The following TVP23B variants were observed in gnomAD, a reference collection of about 807,000 sequenced individuals.
TVP23B encodes the protein Golgi apparatus membrane protein TVP23 homolog B.
TVP23B carries 10 observed loss-of-function variants against 30.6 expected under a neutral mutation model. That is an observed-to-expected ratio of 0.33 (90% CI 0.20 to 0.55). The LOEUF (loss-of-function observed/expected upper bound fraction) is 0.55, where lower values mean the gene tolerates loss of function less well. TVP23B is among the 20% of genes least tolerant of loss of function. The pLI, the probability that TVP23B is intolerant of heterozygous loss-of-function variation, is 0.91. For synonymous variants in TVP23B, 67 were observed against 83.1 expected (o/e 0.81, Z 1.06); for missense variants, 153 against 243.2 (o/e 0.63, Z 2.47).
chr17:18,799,074 C>T, intron 5 of TVP23B, 131 bp downstream of exon 5: 1 of 1,128,182 alleles, frequency 8.9e-7, no homozygotes, highest in East Asian at 2.6e-5. Flanking sequence ...ATGTAATTCC[C>T]AAGTTTTGCT....
chr17:18,797,108 T>G (rs2036088208), intron 3 of TVP23B: 1 of 173,608 alleles, frequency 5.8e-6, no homozygotes, highest in South Asian at 1.2e-4. Context: ...AAATAAAGAT[T>G]AGGAAAGCTA....
Position 18,789,050 on chromosome 17 carries a change from A to G in TVP23B, c.13-303A>G. Reference sequence around the variant, plus strand: ...CTTGCTCTGTGACTTGGGAGAGAACAGGTGAGGAGGACAGGTGTTAAGTTG... The same window carrying G: ...CTTGCTCTGTGACTTGGGAGAGAACGGGTGAGGAGGACAGGTGTTAAGTTG... On this transcript the variant is annotated intron_variant, in intron 1 of 6. Transcript: ENST00000307767. 3 of 313,530 alleles carry G rather than the reference A, an allele frequency of 9.6e-6. No homozygotes were observed. The South Asian group carries it at 1.2e-4, about 13-fold the overall frequency. 19.4% of individuals were successfully genotyped at this position (313,530 alleles called of 1,614,324 possible). A position where few individuals can be genotyped will look rare whatever the true frequency, so the allele number is the denominator to read the frequency against.
At chr17:18,802,511 A>G (rs1047874468) in intron 5 of TVP23B, among the ~76,000 whole-genome samples, 3 of 137,192 alleles carry the variant, frequency 2.2e-5, no homozygotes, top group African/African-American at 5.1e-5. Context: ...TTGCTTTTCT[A>G]TAAGTTCCTG....
intron 5 of TVP23B, among the ~76,000 whole-genome samples, chr17:18,799,425 G>C (rs1251596016): frequency 6.6e-6 from 1 of 152,014 alleles, no homozygotes; most frequent in African/African-American, 2.4e-5. Flanking sequence ...CTTCGTTTGG[G>C]CTTCTTCATG....
intron 1 of TVP23B, among the ~76,000 whole-genome samples, chr17:18,784,926 C>T (rs1446645429): frequency 1.3e-5 from 2 of 152,190 alleles, no homozygotes; most frequent in South Asian, 4.1e-4. Context: ...TTGGAATCTT[C>T]CTTGATTCCT....
chr17:18,789,100 G>C (rs918377987), intron 1 of TVP23B: 5 of 504,746 alleles, frequency 9.9e-6, no homozygotes, highest in Non-Finnish European at 1.8e-5. Flanking sequence ...GCACCCTAGA[G>C]TTTTCTCAGA....
intron 5 of TVP23B, among the ~76,000 whole-genome samples, chr17:18,803,352 T>G (rs2036197142): frequency 6.6e-6 from 1 of 152,246 alleles, no homozygotes; most frequent in Non-Finnish European, 1.5e-5. Flanking sequence ...AGAGACCGTA[T>G]GGTCTGAAAT....
intron 3 of TVP23B, among the ~76,000 whole-genome samples, chr17:18,791,968 G>A (rs535722119): frequency 6.6e-6 from 1 of 152,278 alleles, no homozygotes; most frequent in Admixed American, 6.5e-5. Flanking sequence ...GACACATACT[G>A]ATTCAAAGAC....
intron 3 of TVP23B, 146 bp downstream of exon 3, chr17:18,791,186 A>ATTTTTTT (rs2035987112): frequency 2.6e-5 from 3 of 114,552 alleles, no homozygotes; most frequent in South Asian, 3.3e-4. Flanking sequence ...AATTGCATGT[A>ATTTTTTT]GTTTTTTTTT....
intron 1 of TVP23B, among the ~76,000 whole-genome samples, chr17:18,787,482 A>G (rs528140876): frequency 6.6e-6 from 1 of 151,940 alleles, no homozygotes; most frequent in African/African-American, 2.4e-5. Context: ...TAGATGTGCA[A>G]TAAGAATACT....
At chr17:18,800,654 A>G (rs1002554437) in intron 5 of TVP23B, among the ~76,000 whole-genome samples, 1 of 151,922 alleles carries the variant, frequency 6.6e-6, no homozygotes, top group Non-Finnish European at 1.5e-5. Context: ...TAGTTCATGT[A>G]ACCCAGATGT....
chr17:18,796,608 A>G (rs1236991723), intron 3 of TVP23B: 1 of 152,010 alleles, frequency 6.6e-6, no homozygotes, highest in Non-Finnish European at 1.5e-5. Flanking sequence ...TGCAGCAAAT[A>G]TAGTACAAAA....
At chr17:18,793,475 C>T (rs1188292996) in intron 3 of TVP23B, among the ~76,000 whole-genome samples, 5 of 146,866 alleles carry the variant, frequency 3.4e-5, no homozygotes, top group East Asian at 2.0e-4. Flanking sequence ...ATGAGCCGGG[C>T]GTGGTGGCAG....
intron 3 of TVP23B, among the ~76,000 whole-genome samples, chr17:18,795,232 A>G (rs1223505048): frequency 1.3e-5 from 2 of 151,812 alleles, no homozygotes; most frequent in Non-Finnish European, 2.9e-5. Context: ...TCACTATGTT[A>G]GCCAGGCTGG....
intron 5 of TVP23B, among the ~76,000 whole-genome samples, chr17:18,800,553 C>G (rs1482525949): frequency 6.6e-6 from 1 of 151,952 alleles, no homozygotes; most frequent in East Asian, 1.9e-4. Flanking sequence ...AGATGCTATT[C>G]CATCATTTTC....
rs368747167 is a variant in TVP23B, at chr17:18,804,130, T to C, written c.463-8T>C. The C allele has an allele frequency of 2.2e-4, 356 of 1,613,638 alleles. 1 individual carries two copies. Among genetic ancestry groups the C allele is most frequent in the Middle Eastern group, 3.3e-4 (2 of 6,054 alleles). The stretch of plus-strand genomic sequence containing the variant: ...AGTAACCATTGATTATTTTTTCCCT[T>C]GTCCCAGGCGGTGGTTATCATGGGT... On this transcript the variant is annotated splice_polypyrimidine_tract_variant and splice_region_variant and intron_variant, in intron 5 of 6. Coordinates refer to ENST00000307767, the MANE Select transcript of TVP23B (RefSeq NM_016078.6).
chr17:18,795,774 A>G (rs2151848808), intron 3 of TVP23B: 1 of 152,342 alleles, frequency 6.6e-6, no homozygotes, highest in East Asian at 1.9e-4. Context: ...CTAAACAGTA[A>G]GATACTGTGT....
In TVP23B at chr17:18,804,839, C is replaced by T. The variant is rs535511548; in HGVS notation, c.591+573C>T. 8.5e-5 allele frequency among the ~76,000 whole-genome samples: 13 copies of T among 152,190 alleles called. No homozygotes were observed. In the South Asian group the frequency reaches 2.5e-3, roughly 29 times the overall value. On this transcript the variant is annotated intron_variant, in intron 6 of 6. Coordinates refer to ENST00000307767, the MANE Select transcript of TVP23B (RefSeq NM_016078.6). ...TCATGACCTTGTGATCTGCCTACCT[C>T]GGCCTCCCAAAGTGCTGGGATTACA...
chr17:18,798,847 T>G lies in TVP23B; in HGVS notation c.366T>G (p.Ala122=). 1 of 1,613,792 alleles carries G rather than the reference T, an allele frequency of 6.2e-7. No homozygotes were observed. The highest frequency in any genetic ancestry group is 8.5e-7 in the Non-Finnish European group (1 of 1,179,814). ...SSQENKTVSE[A]ESRIFWLGLI... is the part of the protein sequence containing the mutation. ...AAGAGAATAAAACTGTGTCAGAGGC[T>G]GAATCAAGAATCTTTTGGTTGGGAC... is the stretch of plus-strand genomic sequence containing the variant. The change falls in exon 5 of 7, where the codon GCT becomes GCG. Residue 122 remains alanine, a synonymous_variant. Coordinates refer to ENST00000307767, the MANE Select transcript of TVP23B (RefSeq NM_016078.6).
Sources: gnomAD v4.1 joint callset for allele counts (sites outside exome capture counted in the v4.1 genomes callset) on GRCh38, gnomAD v4.1.1 for gene constraint, MANE v1.5 for transcripts, NCBI Gene and HGNC (gene_info 2026-07-23, HGNC 2026-07-21) for gene names.